SETD1A: variants seen among roughly 807,000 people sequenced by gnomAD.
SETD1A encodes histone-lysine N-methyltransferase SETD1A.
A neutral mutation model predicts 149.9 loss-of-function variants in SETD1A; 29 were observed. The ratio of observed to expected loss-of-function variants is 0.19; its 90% CI spans 0.14 to 0.26. The LOEUF (loss-of-function observed/expected upper bound fraction) is 0.26. SETD1A is among the 10% of genes least tolerant of loss of function. The pLI, the probability that SETD1A is intolerant of heterozygous loss-of-function variation, is 1.00. For missense variants in SETD1A, 2,109 were observed against 2,353.1 expected, an observed-to-expected ratio of 0.90 and a Z score of 2.15; for synonymous variants, 1,141 against 968.5, an observed-to-expected ratio of 1.18 and a Z score of -3.31.
chr16:30,968,809 AATATAT>A (rs954171363), intron 10 of SETD1A, among the ~76,000 whole-genome samples: 7 of 151,078 alleles, frequency 4.6e-5, no homozygotes, highest in Middle Eastern at 6.9e-3. Flanking sequence ...CAAAAAAAAA[AATATAT>A]ATATATATGC....
chr16:30,976,204 C>T (rs552774833), intron 13 of SETD1A, among the ~76,000 whole-genome samples: 8 of 152,188 alleles, frequency 5.3e-5, no homozygotes, highest in African/African-American at 1.9e-4. Context: ...CCCAGAAGTT[C>T]GAGACCAGTC....
Position 30,958,821 on chromosome 16 carries a change from T to G in SETD1A, c.90T>G (p.Pro30=). ...YKLIVDPALD[P]ALRRPSQKVY... is the part of the protein sequence containing the mutation. ...TCATCGTGGATCCTGCCTTGGACCC[T>G]GCCCTGCGCAGGCCTTCTCAGAAGG... Residue 30 remains proline, a synonymous_variant, in exon 2 of 19, where the codon CCT becomes CCG. Coordinates refer to ENST00000262519, the MANE Select transcript of SETD1A (RefSeq NM_014712.3). 6.2e-7 allele frequency: 1 copy of G among 1,614,180 alleles called. No homozygotes were observed. The highest frequency in any genetic ancestry group is 8.5e-7 in the Non-Finnish European group (1 of 1,179,972).
rs962312203 is a variant in SETD1A, at chr16:30,964,993, C to T, written c.1251C>T (p.Pro417=). 1 of 1,613,956 alleles carries T rather than the reference C, an allele frequency of 6.2e-7. No individual in the cohort carries two copies. Among genetic ancestry groups the T allele is most frequent in the African/African-American group, 1.3e-5 (1 of 75,068 alleles). ...ACACCTCCTACCTGCCCCCCGAGCCCAGCCGGCCCACCGACCAGGACTACC... is the reference window on the plus strand; with the variant it reads ...ACACCTCCTACCTGCCCCCCGAGCCTAGCCGGCCCACCGACCAGGACTACC... The part of the protein sequence containing the change: ...PSYTSYLPPE[P]SRPTDQDYRP... Residue 417 remains proline, a synonymous_variant, in exon 7 of 19, where the codon CCC becomes CCT. Transcript: ENST00000262519.
rs577883003 is a variant in SETD1A, at chr16:30,984,544, C to T, written c.*521C>T. Reference sequence around the variant, plus strand: ...ACCCTTCCACCCTGGTGTCACTCCCCGGCTCAGCCAGGCCAGGATGGCGGG... The same window carrying T: ...ACCCTTCCACCCTGGTGTCACTCCCTGGCTCAGCCAGGCCAGGATGGCGGG... On this transcript the variant is annotated 3_prime_UTR_variant, in exon 19 of 19. Transcript: ENST00000262519. 2.7e-4 allele frequency: 43 copies of T among 158,578 alleles called. 1 individual carries two copies. The highest frequency in any genetic ancestry group is 4.8e-4 in the Admixed American group (8 of 16,778). 9.8% of individuals were successfully genotyped at this position (158,578 alleles called of 1,614,324 possible).
rs138754589 is a variant in SETD1A at position 30,971,714 on chromosome 16, C to G, written c.3353C>G (p.Pro1118Arg). 1.1e-3 allele frequency: 1,765 copies of G among 1,562,310 alleles called. 1 individual carries two copies. Among genetic ancestry groups the G allele is most frequent in the Non-Finnish European group, 1.4e-3 (1,593 of 1,151,288 alleles). ...LPEQEASPAR[P>R]AGPTEESPPS... is the part of the protein sequence containing the mutation. ...GAACAGGAGGCGTCTCCAGCAAGGC[C>G]TGCAGGTAGGTGCCACAGGGCTGTC... Residue 1118 changes from proline (P) to arginine (R), a missense_variant, in exon 13 of 19, where the codon CCT becomes CGT. Coordinates refer to ENST00000262519, the MANE Select transcript of SETD1A (RefSeq NM_014712.3).
At position 30,980,846 on chromosome 16, in the gene SETD1A, C is replaced by G; in HGVS notation, c.4689C>G (p.Leu1563=). 3.0e-6 allele frequency: 4 copies of G among 1,321,640 alleles called. No individual in the cohort carries two copies. Among genetic ancestry groups the G allele is most frequent in the Non-Finnish European group, 4.1e-6 (4 of 977,218 alleles). 81.9% of individuals were successfully genotyped at this position (1,321,640 alleles called of 1,614,324 possible). A position where few individuals can be genotyped will look rare whatever the true frequency, so the allele number is the denominator to read the frequency against. The change falls in exon 16 of 19, where the codon CTC becomes CTG. Residue 1563 remains leucine (L), a synonymous_variant. Transcript: ENST00000262519. This position sits in a 1 kb window ranked among gnomAD's most constrained non-coding sequence, Gnocchi z 7.7. The part of the protein sequence containing the change: ...MDSDLLKLNQ[L]KFRKKKLRFG... ...GTGACCTGCTGAAACTCAACCAGCT[C>G]AAGGTGAGGCTGGGCTGCAGGAGGG...
At position 30,980,737 on chromosome 16, in the gene SETD1A, A is replaced by C; in HGVS notation, c.4582-2A>C. On this transcript the variant is annotated splice_acceptor_variant, in intron 15 of 18. Coordinates refer to ENST00000262519, the MANE Select transcript of SETD1A (RefSeq NM_014712.3). LOFTEE classifies it high-confidence loss of function. The surrounding 1 kb of genome is among the most constrained non-coding windows in gnomAD (Gnocchi z 7.7). ...ACCTCCTCCCTGCCGTGTGTCTCAC[A>C]GGGGACGAACCGCGTGCTGTCCGAG... is the stretch of plus-strand genomic sequence containing the variant. The C allele has an allele frequency of 3.1e-6, 5 of 1,612,450 alleles. No individual in the cohort carries two copies. Among genetic ancestry groups the C allele is most frequent in the Non-Finnish European group, 4.2e-6 (5 of 1,179,694 alleles).
intron 13 of SETD1A, among the ~76,000 whole-genome samples, chr16:30,974,673 G>T (rs4889604): frequency 0.53 from 80,344 of 151,742 alleles, 23,631 homozygotes; most frequent in East Asian, 0.91. Context: ...TGAGGGGAGG[G>T]CAGTTTTCTG....
chr16:30,966,540 G>C (rs1489594171), intron 8 of SETD1A, among the ~76,000 whole-genome samples, 154 bp downstream of exon 8: 1 of 152,230 alleles, frequency 6.6e-6, no homozygotes, highest in African/African-American at 2.4e-5. Flanking sequence ...GGGCAGGGGA[G>C]TTGAGGGGAC....
chr16:30,969,408 C>T lies in SETD1A; in HGVS notation c.2874C>T (p.Ser958=). 1 of 1,614,060 alleles carries T rather than the reference C, an allele frequency of 6.2e-7. No homozygotes were observed. The highest frequency in any genetic ancestry group is 8.5e-7 in the Non-Finnish European group (1 of 1,179,962). Residue 958 remains serine, a synonymous_variant, in exon 11 of 19, where the codon TCC becomes TCT. Transcript: ENST00000262519. ...RGKTQGKHRK[S]FALDSEGEEA... ...AGACCCAGGGCAAGCACCGCAAGTC[C>T]TTTGCTCTGGACAGCGAAGGGGAGG...
intron 17 of SETD1A, among the ~76,000 whole-genome samples, chr16:30,982,165 G>A (rs1219569426): frequency 1.3e-5 from 2 of 152,094 alleles, no homozygotes; most frequent in African/African-American, 4.8e-5. Flanking sequence ...CTGGAGGCAC[G>A]GTCGTCTTGT....
intron 4 of SETD1A, among the ~76,000 whole-genome samples, chr16:30,962,805 C>T (rs556493266): frequency 2.6e-5 from 4 of 152,264 alleles, no homozygotes; most frequent in South Asian, 4.1e-4. Flanking sequence ...AAAATCCGGA[C>T]GTGGTGGTTC....
rs576171457 is a variant in SETD1A, at chr16:30,966,345, G to A, written c.2464G>A (p.Ala822Thr). 1.9e-6 allele frequency: 3 copies of A among 1,613,260 alleles called. No homozygotes were observed. Among genetic ancestry groups the A allele is most frequent in the African/African-American group, 2.7e-5 (2 of 75,072 alleles). Reference sequence around the variant, plus strand: ...GATGGTGGAGAACGTGGCCTTCGGAGCCTTTGACCAGTGGTGGGAGAGCAA... The same window carrying A: ...GATGGTGGAGAACGTGGCCTTCGGAACCTTTGACCAGTGGTGGGAGAGCAA... ...RKMVENVAFG[A>T]FDQWWESKEE... The change falls in exon 8 of 19, where the codon GCC becomes ACC. Residue 822 changes from alanine to threonine, a missense_variant. Physicochemically the swap from Ala to Thr is moderately conservative, Grantham distance 58. This residue lies in a region of SETD1A where 22 missense variants were observed against 51.3 expected (regional missense o/e 0.43). Coordinates refer to ENST00000262519, the MANE Select transcript of SETD1A (RefSeq NM_014712.3).
In SETD1A at chr16:30,979,337, C is replaced by T. The variant is rs1480150430; in HGVS notation, c.3551C>T (p.Ala1184Val). 4 of 1,613,400 alleles carry T rather than the reference C, an allele frequency of 2.5e-6. No individual in the cohort carries two copies. In the South Asian group the frequency reaches 3.3e-5, roughly 13 times the overall value. ...GTGCCAGCCCCGGAGCCCCCTCCAG[C>T]CACACCGCCGCAGGCCAAGTTTCCC... is the stretch of plus-strand genomic sequence containing the variant. ...EVVPAPEPPP[A>V]TPPQAKFPGP... Residue 1184 changes from alanine (A) to valine (V), a missense_variant, in exon 14 of 19, where the codon GCC (alanine) becomes GTC (valine). Coordinates refer to ENST00000262519, the MANE Select transcript of SETD1A (RefSeq NM_014712.3).
At position 30,983,818 on chromosome 16, in the gene SETD1A, TG is replaced by T; in HGVS notation, c.4951-30del. The T allele has an allele frequency of 3.7e-6, 6 of 1,610,690 alleles. No individual in the cohort carries two copies. The highest frequency in any genetic ancestry group is 4.2e-6 in the Non-Finnish European group (5 of 1,178,010). ...GGCAGGAGTTGGGGGTCGGTGGGGGTGGCCACGGCTCACACGCCCTTCCATC... is the reference window on the plus strand; with the variant it reads ...GGCAGGAGTTGGGGGTCGGTGGGGGTGCCACGGCTCACACGCCCTTCCATC... On this transcript the variant is annotated intron_variant, in intron 18 of 18. Transcript: ENST00000262519. The surrounding 1 kb of genome is among the most constrained non-coding windows in gnomAD (Gnocchi z 6.8).
Position 30,984,348 on chromosome 16 carries a change from T to A in SETD1A, c.*325T>A, listed in dbSNP as rs6950. 1.0e-5 allele frequency: 3 copies of A among 292,612 alleles called. No homozygotes were observed. The highest frequency in any genetic ancestry group is 2.2e-5 in the African/African-American group (1 of 46,218). The allele number at this position is 292,612 out of a possible 1,614,324, so 18.1% of individuals were successfully genotyped here. ...GTCCTGGGGGGCTACACAGTCCTCT[T>A]GCTTTGTGTTAATGGGGACTTCCCC... On this transcript the variant is annotated 3_prime_UTR_variant, in exon 19 of 19. Transcript: ENST00000262519.
rs758167758 is a variant in SETD1A at position 30,966,002 on chromosome 16, C to A, written c.2121C>A (p.Pro707=). 4.4e-6 allele frequency: 7 copies of A among 1,574,766 alleles called. No individual in the cohort carries two copies. Among genetic ancestry groups the A allele is most frequent in the Non-Finnish European group, 6.0e-6 (7 of 1,160,360 alleles). The part of the protein sequence containing the change: ...KGLIAASAGP[P]GGAFGEAFLP... The stretch of plus-strand genomic sequence containing the variant: ...TGATTGCCGCCTCAGCTGGCCCCCC[C>A]GGTGGGGCCTTTGGGGAGGCCTTCC... The change falls in exon 8 of 19, where the codon CCC becomes CCA. Residue 707 remains proline, a synonymous_variant. Coordinates refer to ENST00000262519, the MANE Select transcript of SETD1A (RefSeq NM_014712.3).
At chr16:30,976,498 G>C (rs1448388767) in intron 13 of SETD1A, among the ~76,000 whole-genome samples, 5 of 152,142 alleles carry the variant, frequency 3.3e-5, no homozygotes, top group Non-Finnish European at 7.4e-5. Context: ...TGAGGACCTG[G>C]GGCTGTGCTG....
In SETD1A at chr16:30,984,088, C is replaced by CAGCA; in HGVS notation, c.*65_*66insAGCA. ...CCTGGTGCCCTGAGCTCCCAGCACC[C>CAGCA]CCCCAGCCTTAGTGGGCTCAGCAGG... On this transcript the variant is annotated 3_prime_UTR_variant, in exon 19 of 19. Transcript: ENST00000262519. 1 of 1,477,058 alleles carries CAGCA rather than the reference C, an allele frequency of 6.8e-7. No individual in the cohort carries two copies. The highest frequency in any genetic ancestry group is 9.2e-7 in the Non-Finnish European group (1 of 1,091,552). The allele number at this position is 1,477,058 out of a possible 1,614,324, so 91.5% of individuals were successfully genotyped here. A position where few individuals can be genotyped will look rare whatever the true frequency, so the allele number is the denominator to read the frequency against.
Sources: allele counts gnomAD v4.1 joint callset (sites outside exome capture counted in the v4.1 genomes callset), GRCh38; gene constraint gnomAD v4.1.1; regional missense constraint gnomAD v4.1.1; non-coding constraint Gnocchi (gnomAD v3.1); transcripts MANE v1.5; gene names NCBI Gene and HGNC (gene_info 2026-07-23, HGNC 2026-07-21).